Variants in DCAF6 observed in about 807,000 individuals in gnomAD.
DCAF6 encodes DDB1- and CUL4-associated factor 6.
In DCAF6, 54 loss-of-function variants were observed where a neutral mutation model predicts 125.1. That is an observed-to-expected ratio of 0.43 (90% CI 0.35 to 0.54). The LOEUF (loss-of-function observed/expected upper bound fraction) is 0.54, where lower values mean the gene tolerates loss of function less well. Among genes scored for constraint, DCAF6 ranks in the 20% least tolerant of loss-of-function variants. The pLI is 0.01. For missense variants in DCAF6, 934 were observed against 1,161.7 expected, an observed-to-expected ratio of 0.80 and a Z score of 2.85; for synonymous variants, 371 against 390.4, an observed-to-expected ratio of 0.95 and a Z score of 0.58.
chr1:167,970,603 A>G (rs1224779908), intron 3 of DCAF6, among the ~76,000 whole-genome samples: 3 of 152,028 alleles, frequency 2.0e-5, no homozygotes, highest in East Asian at 3.9e-4. Flanking sequence ...CCAAGTCTGG[A>G]TGACAGCAAG....
rs78357988 is a variant in DCAF6 at position 167,992,866 on chromosome 1, G to A, written c.689-360G>A. 5.0e-3 allele frequency among the ~76,000 whole-genome samples: 762 copies of A among 152,306 alleles called. 5 individuals are homozygous for A. The highest frequency in any genetic ancestry group is 0.017 in the African/African-American group (716 of 41,570). On this transcript the variant is annotated intron_variant, in intron 6 of 21. Transcript: ENST00000367840. Reference sequence around the variant, plus strand: ...ACTAATGTATGTAGTATGCTAATAAGTATTAGCTTTTTGTAAAAATTTGTT... The same window carrying A: ...ACTAATGTATGTAGTATGCTAATAAATATTAGCTTTTTGTAAAAATTTGTT...
chr1:168,055,346 T>TG (rs1690531320), intron 17 of DCAF6, among the ~76,000 whole-genome samples: 1 of 60,212 alleles, frequency 1.7e-5, no homozygotes, highest in Non-Finnish European at 3.2e-5. Flanking sequence ...TTTTTTTTTT[T>TG]TTTTTTTTTT....
intron 7 of DCAF6, among the ~76,000 whole-genome samples, chr1:167,997,672 A>T (rs1390019261): frequency 6.6e-6 from 1 of 152,142 alleles, no homozygotes; most frequent in African/African-American, 2.4e-5. Flanking sequence ...TGCTGTTTTT[A>T]AAAAATAAAT....
At chr1:168,057,651 A>C (rs1323182588) in intron 17 of DCAF6, among the ~76,000 whole-genome samples, 2 of 152,088 alleles carry the variant, frequency 1.3e-5, no homozygotes, top group African/African-American at 4.8e-5. Flanking sequence ...CACAACGCCT[A>C]CCCTCCTTGA....
chr1:167,941,535 T>C lies in DCAF6; in HGVS notation c.97+4527T>C, dbSNP rs980868372. ...ACGAAAATAAAGGATTCTCTAGGTGTATATATAAACCTTACTAGATGGGAT... is the reference window on the plus strand; with the variant it reads ...ACGAAAATAAAGGATTCTCTAGGTGCATATATAAACCTTACTAGATGGGAT... On this transcript the variant is annotated intron_variant, in intron 1 of 21. Coordinates refer to ENST00000367840, the MANE Select transcript of DCAF6 (RefSeq NM_001198956.2). Among the ~76,000 whole-genome samples the C allele has an allele frequency of 5.3e-4, 81 of 152,314 alleles. 1 individual carries two copies. Among genetic ancestry groups the C allele is most frequent in the Admixed American group, 5.3e-3 (81 of 15,296 alleles).
At chr1:167,978,435 T>G (rs1481690435) in intron 4 of DCAF6, among the ~76,000 whole-genome samples, 1 of 152,230 alleles carries the variant, frequency 6.6e-6, no homozygotes, top group East Asian at 1.9e-4. Flanking sequence ...GGTTTCCATT[T>G]GCCTCTCTGT....
chr1:167,905,233 T>A, the DCAF6 span: 4 of 1,390,018 alleles, frequency 2.9e-6, no homozygotes, highest in Non-Finnish European at 4.1e-6. Flanking sequence ...AAATCTGATA[T>A]ATTCATTTGC....
intron 3 of DCAF6, among the ~76,000 whole-genome samples, chr1:167,972,985 T>G (rs1677566610): frequency 6.6e-6 from 1 of 152,220 alleles, no homozygotes; most frequent in East Asian, 1.9e-4. Context: ...AAATCATAAA[T>G]TTTTAAGAGT....
intron 16 of DCAF6, among the ~76,000 whole-genome samples, chr1:168,049,933 G>A (rs1489626065): frequency 1.3e-5 from 2 of 150,236 alleles, no homozygotes; most frequent in Admixed American, 6.6e-5. Flanking sequence ...GGGATTACCG[G>A]CATGAGCCAC....
At chr1:167,901,751 A>G in the DCAF6 span, 2 of 1,614,176 alleles carry the variant, frequency 1.2e-6, no homozygotes, top group Non-Finnish European at 1.7e-6. Context: ...TACCACTGTG[A>G]TAATGTTTTT....
At chr1:167,939,867 T>A (rs961148249) in intron 1 of DCAF6, among the ~76,000 whole-genome samples, 2 of 152,250 alleles carry the variant, frequency 1.3e-5, no homozygotes, top group African/African-American at 4.8e-5. Flanking sequence ...ATTCCTTTTT[T>A]AAAAGACTTC....
At chr1:168,029,504 A>G (rs947068608) in intron 12 of DCAF6, among the ~76,000 whole-genome samples, 1 of 152,202 alleles carries the variant, frequency 6.6e-6, no homozygotes, top group Non-Finnish European at 1.5e-5. Flanking sequence ...CATTGAGTTG[A>G]TTTATAATAA....
chr1:168,072,709 C>A (rs1693268335), intron 21 of DCAF6, among the ~76,000 whole-genome samples: 2 of 152,050 alleles, frequency 1.3e-5, no homozygotes, highest in African/African-American at 2.4e-5. Context: ...TGTATTATTT[C>A]TTTTAAAGAA....
intron 7 of DCAF6, among the ~76,000 whole-genome samples, chr1:167,996,172 A>C (rs1681663737): frequency 6.6e-6 from 1 of 151,788 alleles, no homozygotes; most frequent in Non-Finnish European, 1.5e-5. Context: ...CGCCTCTAAT[A>C]ATTTCTTTCA....
chr1:167,896,621 T>C, the DCAF6 span: 4 of 1,613,636 alleles, frequency 2.5e-6, no homozygotes, highest in East Asian at 4.5e-5. Context: ...AGGATAATAA[T>C]GCATGAAGGT....
chr1:167,986,615 T>C (rs1680042377), intron 4 of DCAF6, among the ~76,000 whole-genome samples: 1 of 152,214 alleles, frequency 6.6e-6, no homozygotes, highest in Admixed American at 6.5e-5. Flanking sequence ...CATTAGCTTC[T>C]CATAAGGAGT....
At chr1:167,881,109 T>C in the DCAF6 span, among the ~76,000 whole-genome samples, 2 of 152,218 alleles carry the variant, frequency 1.3e-5, no homozygotes, top group African/African-American at 2.4e-5. Flanking sequence ...AAAGAATTAA[T>C]GTGTTATATA....
the DCAF6 span, chr1:167,901,673 C>G: frequency 1.9e-6 from 3 of 1,614,010 alleles, no homozygotes; most frequent in Middle Eastern, 4.9e-4. Context: ...TATCTTGACT[C>G]GGATGTCTAG....
rs113373212 is a variant in DCAF6, at chr1:167,940,366, T to C, written c.97+3358T>C. Among the ~76,000 whole-genome samples the C allele has an allele frequency of 2.9e-3, 447 of 152,198 alleles. 1 individual carries two copies. The highest frequency in any genetic ancestry group is 0.01 in the African/African-American group (425 of 41,550). ...TATCTAAATTTCAATGTAGGATTCT[T>C]TTTTTTGGTGGGAGGCGGGGGGCAG... On this transcript the variant is annotated intron_variant, in intron 1 of 21. Transcript: ENST00000367840.
Sources: allele counts gnomAD v4.1 joint callset (sites outside exome capture counted in the v4.1 genomes callset), GRCh38; gene constraint gnomAD v4.1.1; transcripts MANE v1.5; gene names NCBI Gene and HGNC (gene_info 2026-07-23, HGNC 2026-07-21).